Variants in PLEKHG1 observed in about 807,000 individuals in gnomAD.
The protein encoded by PLEKHG1 is pleckstrin homology and RhoGEF domain containing G1, also known as pleckstrin homology domain-containing family G member 1.
PLEKHG1 carries 44 observed loss-of-function variants against 100.8 expected under a neutral mutation model. The observed-to-expected ratio is 0.44, with a 90% CI of 0.34 to 0.56. PLEKHG1 has a LOEUF of 0.56. PLEKHG1 is among the 20% of genes least tolerant of loss of function. PLEKHG1 has a pLI of 0.01. For missense variants in PLEKHG1, 1,545 were observed against 1,720.9 expected (o/e 0.90, Z 1.81); for synonymous variants, 640 against 662.5 (o/e 0.97, Z 0.52).
intron 4 of PLEKHG1, among the ~76,000 whole-genome samples, chr6:150,787,030 CA>C (rs555809522): frequency 0.027 from 1,574 of 57,978 alleles, 10 homozygotes; most frequent in East Asian, 0.079. Flanking sequence ...GACTCTGTCT[CA>C]AAAAAAAAAA....
Position 150,809,291 on chromosome 6 carries a change from G to T in PLEKHG1, c.1095+4G>T. 3 of 1,613,138 alleles carry T rather than the reference G, an allele frequency of 1.9e-6. No individual in the cohort carries two copies. Among genetic ancestry groups the T allele is most frequent in the Non-Finnish European group, 2.5e-6 (3 of 1,179,334 alleles). On this transcript the variant is annotated splice_donor_region_variant and intron_variant, in intron 8 of 15. Coordinates refer to ENST00000358517, the Ensembl canonical transcript of PLEKHG1. ...TACATACAAAGCTCACATCCTGGTA[G>T]GTCTGCACGCTGGCCATGGGCAGGG...
chr6:150,606,434 T>C (rs1339877787), intron 1 of PLEKHG1, among the ~76,000 whole-genome samples: 1 of 152,208 alleles, frequency 6.6e-6, no homozygotes, highest in East Asian at 1.9e-4. Flanking sequence ...AACAGTGAAA[T>C]GGAGGAGGCT....
chr6:150,808,303 A>G (rs959593356), intron 7 of PLEKHG1, among the ~76,000 whole-genome samples: 12 of 152,234 alleles, frequency 7.9e-5, no homozygotes, highest in African/African-American at 2.9e-4. Context: ...TTTAAACTCA[A>G]GAAATTTCTG....
exon 9 of PLEKHG1, chr6:150,809,467 C>T (rs1787356715): frequency 6.2e-7 from 1 of 1,613,246 alleles, no homozygotes; most frequent in Non-Finnish European, 8.5e-7. Context: ...AGCTGCAGCA[C>T]ACAGTCCAGG....
intron 1 of PLEKHG1, among the ~76,000 whole-genome samples, chr6:150,636,490 G>T (rs201030153): frequency 2.0e-5 from 3 of 151,276 alleles, no homozygotes; most frequent in African/African-American, 2.4e-5. Context: ...TTTTTTTTCT[G>T]TTTTTTGGTT....
intron 14 of PLEKHG1, chr6:150,827,845 G>C: frequency 7.0e-7 from 1 of 1,423,326 alleles, no homozygotes; most frequent in Non-Finnish European, 9.9e-7. Context: ...GATCACGAAG[G>C]CGAGTTTAAT....
At chr6:150,766,820 C>A (rs1012044674) in intron 2 of PLEKHG1, among the ~76,000 whole-genome samples, 1 of 152,172 alleles carries the variant, frequency 6.6e-6, no homozygotes, top group Non-Finnish European at 1.5e-5. Context: ...GAGCAAGCTT[C>A]GCTCTTGAAG....
chr6:150,769,629 T>G (rs1399273903), intron 3 of PLEKHG1, among the ~76,000 whole-genome samples: 1 of 140,720 alleles, frequency 7.1e-6, no homozygotes, highest in African/African-American at 2.7e-5. Flanking sequence ...AAGAAAAACA[T>G]AAGTTCGTAG....
chr6:150,730,467 C>T (rs1782189364), intron 1 of PLEKHG1, among the ~76,000 whole-genome samples: 1 of 152,144 alleles, frequency 6.6e-6, no homozygotes, highest in Admixed American at 6.5e-5. Context: ...AGGGCTCGTG[C>T]TCCTATGAGA....
intron 15 of PLEKHG1, among the ~76,000 whole-genome samples, chr6:150,833,526 T>C (rs911606359): frequency 4.6e-5 from 7 of 152,232 alleles, no homozygotes; most frequent in African/African-American, 1.7e-4. Context: ...GAGATGCTCA[T>C]GGTTAGACTT....
At chr6:150,749,837 G>T (rs1783390755) in intron 2 of PLEKHG1, among the ~76,000 whole-genome samples, 1 of 152,190 alleles carries the variant, frequency 6.6e-6, no homozygotes, top group Non-Finnish European at 1.5e-5. Flanking sequence ...ACTTTGGGAG[G>T]CCAGGGTGGG....
chr6:150,606,724 A>G (rs1226350090), intron 1 of PLEKHG1, among the ~76,000 whole-genome samples: 4 of 152,062 alleles, frequency 2.6e-5, no homozygotes. Flanking sequence ...GTCTTGACAA[A>G]ACTTGGCTAT....
chr6:150,653,288 T>G (rs958441248), intron 3 of PLEKHG1, among the ~76,000 whole-genome samples: 11 of 152,134 alleles, frequency 7.2e-5, no homozygotes, highest in Admixed American at 6.5e-5. Context: ...TTTATACCAA[T>G]GCAGTTGTAA....
chr6:150,809,425 C>G, exon 9 of PLEKHG1: 1 of 1,613,984 alleles, frequency 6.2e-7, no homozygotes, highest in South Asian at 1.1e-5. Flanking sequence ...AAGAGCCGCT[C>G]AGCTTCAGCG....
chr6:150,719,724 A>C (rs529212705), upstream of PLEKHG1, among the ~76,000 whole-genome samples: 1 of 152,328 alleles, frequency 6.6e-6, no homozygotes, highest in Admixed American at 6.5e-5. Context: ...GTGGGAAGCC[A>C]CAGGGGTTGC....
chr6:150,831,822 A>G lies in PLEKHG1; in HGVS notation c.2711A>G (p.Lys904Arg). Reference sequence around the variant, plus strand: ...AGCCAGGCTCTCCTCACGCCCGTGAAGAGCAGGGCTGGCAGAGCCAGCCGC... The same window carrying G: ...AGCCAGGCTCTCCTCACGCCCGTGAGGAGCAGGGCTGGCAGAGCCAGCCGC... The change falls in exon 15 of 16, where the codon AAG becomes AGG. Residue 904 changes from lysine to arginine, a missense_variant. By Grantham distance (26) the Lys-to-Arg change is conservative. Transcript: ENST00000358517. The surrounding 1 kb of genome is among the most constrained non-coding windows in gnomAD (Gnocchi z 4.1). 6.2e-7 allele frequency: 1 copy of G among 1,612,086 alleles called. No individual in the cohort carries two copies. Among genetic ancestry groups the G allele is most frequent in the Non-Finnish European group, 8.5e-7 (1 of 1,178,754 alleles).
intron 1 of PLEKHG1, among the ~76,000 whole-genome samples, chr6:150,725,269 A>T (rs1230394788): frequency 1.3e-5 from 2 of 152,020 alleles, no homozygotes; most frequent in African/African-American, 4.8e-5. Context: ...AGCCCTCATG[A>T]CCTAATCATC....
chr6:150,629,988 T>C (rs1777681116), intron 1 of PLEKHG1, among the ~76,000 whole-genome samples: 1 of 152,186 alleles, frequency 6.6e-6, no homozygotes, highest in Admixed American at 6.5e-5. Context: ...GTTAAAGATA[T>C]TTATCTGGGC....
chr6:150,701,703 T>C (rs1780799408), intron 3 of PLEKHG1, among the ~76,000 whole-genome samples: 2 of 148,728 alleles, frequency 1.3e-5, no homozygotes, highest in Admixed American at 1.4e-4. Flanking sequence ...ACAAATCTAG[T>C]GATGGGGATG....
Sources: gnomAD v4.1 joint callset for allele counts (sites outside exome capture counted in the v4.1 genomes callset) on GRCh38, gnomAD v4.1.1 for gene constraint, Gnocchi (gnomAD v3.1) non-coding constraint, MANE v1.5 for transcripts, NCBI Gene and HGNC (gene_info 2026-07-23, HGNC 2026-07-21) for gene names.